The following SUPT3H variants were observed in gnomAD, a reference collection of about 807,000 sequenced individuals.
SUPT3H encodes SPT3 homolog, SAGA and STAGA complex component, also known as transcription initiation protein SPT3 homolog.
Under a neutral mutation model 44.3 loss-of-function variants are expected in SUPT3H, and 44 were observed. The ratio of observed to expected loss-of-function variants is 0.99; its 90% CI spans 0.78 to 1.28. The LOEUF (loss-of-function observed/expected upper bound fraction) is 1.28. Ranked by LOEUF, SUPT3H falls within the 50% of genes most tolerant of loss-of-function variation. The pLI is 0.00. For synonymous variants in SUPT3H, 124 were observed against 125.6 expected, an observed-to-expected ratio of 0.99 and a Z score of 0.09; for missense variants, 380 against 387.1, an observed-to-expected ratio of 0.98 and a Z score of 0.15.
chr6:45,178,289 C>T (rs1435354482), intron 2 of SUPT3H, among the ~76,000 whole-genome samples: 4 of 152,058 alleles, frequency 2.6e-5, no homozygotes, highest in African/African-American at 7.3e-5. Context: ...ATAAAACAGA[C>T]TTTAAACCAA....
At chr6:44,997,297 G>A (rs1178596914) in intron 6 of SUPT3H, among the ~76,000 whole-genome samples, 1 of 151,490 alleles carries the variant, frequency 6.6e-6, no homozygotes, top group Non-Finnish European at 1.5e-5. Flanking sequence ...CTATATCCAG[G>A]AACATAGTGC....
chr6:44,900,264 C>T (rs780513311), intron 10 of SUPT3H, among the ~76,000 whole-genome samples: 1 of 152,222 alleles, frequency 6.6e-6, no homozygotes, highest in African/African-American at 2.4e-5. Flanking sequence ...AGGGAATTAC[C>T]TTTCCTAGTC....
At chr6:44,880,189 A>G (rs900941762) in intron 10 of SUPT3H, among the ~76,000 whole-genome samples, 2 of 152,148 alleles carry the variant, frequency 1.3e-5, no homozygotes, top group Non-Finnish European at 2.9e-5. Context: ...AAAAAAGGTT[A>G]GAGGAATTGC....
chr6:44,917,763 T>G (rs1428648629), intron 10 of SUPT3H, among the ~76,000 whole-genome samples: 3 of 152,232 alleles, frequency 2.0e-5, no homozygotes, highest in African/African-American at 7.2e-5. Flanking sequence ...GAGAGCTGTG[T>G]AATCCAAGTA....
At chr6:44,986,514 A>ACCAATGTCT (rs1779816463) in intron 6 of SUPT3H, among the ~76,000 whole-genome samples, 1 of 152,162 alleles carries the variant, frequency 6.6e-6, no homozygotes, top group African/African-American at 2.4e-5. Context: ...TGTCTTGGCT[A>ACCAATGTCT]TGGTCAATTA....
At chr6:45,141,822 A>G (rs1805264673) in intron 2 of SUPT3H, among the ~76,000 whole-genome samples, 2 of 152,210 alleles carry the variant, frequency 1.3e-5, no homozygotes, top group Admixed American at 6.5e-5. Flanking sequence ...TAAAGTGTGG[A>G]AAACTTATTT....
chr6:45,115,796 C>T (rs1434990861), intron 2 of SUPT3H, among the ~76,000 whole-genome samples: 5 of 152,104 alleles, frequency 3.3e-5, no homozygotes, highest in Non-Finnish European at 7.4e-5. Context: ...ACTGGGTCTA[C>T]ATCATGTCAG....
At chr6:44,845,499 G>T (rs1282191949) in intron 10 of SUPT3H, among the ~76,000 whole-genome samples, 1 of 152,150 alleles carries the variant, frequency 6.6e-6, no homozygotes, top group Non-Finnish European at 1.5e-5. Flanking sequence ...AGAGAAGGGT[G>T]GGTCCCTGGT....
At chr6:44,821,511 G>A (rs1290214849) in intron 11 of SUPT3H, among the ~76,000 whole-genome samples, 1 of 152,100 alleles carries the variant, frequency 6.6e-6, no homozygotes, top group African/African-American at 2.4e-5. Context: ...GTGACTTTGG[G>A]AATGCTGAAT....
At chr6:45,229,532 T>TAA (rs1390736276) in intron 2 of SUPT3H, among the ~76,000 whole-genome samples, 3 of 152,164 alleles carry the variant, frequency 2.0e-5, no homozygotes, top group Non-Finnish European at 4.4e-5. Context: ...TATATATATA[T>TAA]AATCTTCTAA....
chr6:45,303,420 G>C (rs1782458205), intron 2 of SUPT3H, among the ~76,000 whole-genome samples: 1 of 151,830 alleles, frequency 6.6e-6, no homozygotes, highest in African/African-American at 2.4e-5. Flanking sequence ...AAGCAAATTA[G>C]CAACAAAAAA....
At chr6:45,279,325 G>C (rs536860505) in intron 2 of SUPT3H, among the ~76,000 whole-genome samples, 26 of 152,206 alleles carry the variant, frequency 1.7e-4, no homozygotes, top group Middle Eastern at 3.4e-3. Flanking sequence ...TTAAGTAGAG[G>C]TTATGTGTAT....
At chr6:45,357,399 T>C (rs575085222) in intron 2 of SUPT3H, among the ~76,000 whole-genome samples, 1 of 152,200 alleles carries the variant, frequency 6.6e-6, no homozygotes, top group South Asian at 2.1e-4. Context: ...GGCAGGATCA[T>C]GGTTCACTGC....
chr6:45,036,337 C>A (rs1460507482), intron 3 of SUPT3H, among the ~76,000 whole-genome samples: 2 of 151,974 alleles, frequency 1.3e-5, no homozygotes, highest in Non-Finnish European at 2.9e-5. Flanking sequence ...TTTGCTTGAA[C>A]ATGTTGGAGG....
intron 1 of SUPT3H, among the ~76,000 whole-genome samples, chr6:45,372,957 C>T (rs1436987572): frequency 6.6e-6 from 1 of 151,954 alleles, no homozygotes; most frequent in Non-Finnish European, 1.5e-5. Flanking sequence ...AGCAGGTGCA[C>T]GCCAAGACAC....
intron 10 of SUPT3H, among the ~76,000 whole-genome samples, chr6:44,851,572 A>G (rs576351028): frequency 7.0e-4 from 107 of 152,342 alleles, no homozygotes; most frequent in African/African-American, 2.5e-3. Context: ...GAGTTATCCT[A>G]GGTCTCCTTG....
intron 3 of SUPT3H, among the ~76,000 whole-genome samples, chr6:45,089,453 G>A (rs561100153): frequency 7.2e-5 from 11 of 151,846 alleles, no homozygotes; most frequent in Non-Finnish European, 1.3e-4. Flanking sequence ...AATGCCATTC[G>A]CCTTATTCTA....
At position 45,315,267 on chromosome 6, in the gene SUPT3H, A is replaced by G. The variant is rs145723134; in HGVS notation, c.101+49934T>C. Among the ~76,000 whole-genome samples, 267 of 152,284 alleles carry G rather than the reference A, an allele frequency of 1.8e-3. 3 individuals carry two copies. The highest frequency in any genetic ancestry group is 6.3e-3 in the African/African-American group (261 of 41,556). On this transcript the variant is annotated intron_variant, in intron 2 of 10. Coordinates refer to ENST00000371459, the MANE Select transcript of SUPT3H (RefSeq NM_003599.4). Reference sequence around the variant, plus strand: ...CAAAAACCCAAAAGCAATTGCAATAAAAACAAAAAAAAATAGCTGTGACCT... The same window carrying G: ...CAAAAACCCAAAAGCAATTGCAATAGAAACAAAAAAAAATAGCTGTGACCT...
At chr6:45,358,637 T>C (rs573708317) in intron 2 of SUPT3H, among the ~76,000 whole-genome samples, 1 of 152,306 alleles carries the variant, frequency 6.6e-6, no homozygotes, top group Admixed American at 6.5e-5. Context: ...TTCAATCATC[T>C]CATTTAATCT....
Sources: gnomAD v4.1 joint callset for allele counts (sites outside exome capture counted in the v4.1 genomes callset) on GRCh38, gnomAD v4.1.1 for gene constraint, MANE v1.5 for transcripts, NCBI Gene and HGNC (gene_info 2026-07-23, HGNC 2026-07-21) for gene names.